The following EFCAB5 variants were observed in gnomAD, a reference collection of about 807,000 sequenced individuals.
EFCAB5 encodes the protein EF-hand calcium-binding domain-containing protein 5.
EFCAB5 carries 131 observed loss-of-function variants against 167.9 expected under a neutral mutation model. That is an observed-to-expected ratio of 0.78 (90% CI 0.68 to 0.90). The LOEUF (loss-of-function observed/expected upper bound fraction) is 0.90. EFCAB5 is among the 40% of genes least tolerant of loss of function. The pLI, the probability that EFCAB5 is intolerant of heterozygous loss-of-function variation, is 0.00. For synonymous variants in EFCAB5, 574 were observed against 602.8 expected, an observed-to-expected ratio of 0.95 and a Z score of 0.70; for missense variants, 1,663 against 1,745.2, an observed-to-expected ratio of 0.95 and a Z score of 0.84.
intron 1 of EFCAB5, among the ~76,000 whole-genome samples, chr17:29,931,679 C>T (rs192814414): frequency 4.6e-5 from 7 of 152,098 alleles, no homozygotes; most frequent in Non-Finnish European, 1.0e-4. Context: ...GAACTTTGAA[C>T]CAATGCATGG....
rs1288790374 is a variant in EFCAB5 at position 30,053,726 on chromosome 17, T to A, written c.1772T>A (p.Val591Glu). The A allele has an allele frequency of 6.2e-7, 1 of 1,612,628 alleles. No individual in the cohort carries two copies. The highest frequency in any genetic ancestry group is 1.1e-5 in the South Asian group (1 of 90,994). Residue 591 changes from valine (V) to glutamate (E), a missense_variant, in exon 10 of 23, where the codon GTG becomes GAG. Transcript: ENST00000394835. ...GSIEGQGPRR[V>E]SVSEQGSSRE... Reference sequence around the variant, plus strand: ...ATAGAAGGACAAGGACCACGCAGAGTGTCAGTTTCAGAACAAGGATCAAGC... The same window carrying A: ...ATAGAAGGACAAGGACCACGCAGAGAGTCAGTTTCAGAACAAGGATCAAGC...
rs115893463 is a variant in EFCAB5, at chr17:30,085,197, G to C, written c.3580-1866G>C. Among the ~76,000 whole-genome samples, 1,055 of 152,216 alleles carry C rather than the reference G, an allele frequency of 6.9e-3. 6 individuals carry two copies. Among genetic ancestry groups the C allele is most frequent in the African/African-American group, 0.024 (1,015 of 41,520 alleles). ...ATACTCCCCCTCACCTCAAGCCCAT[G>C]TTCCTGTAAGGTACAGAGTCATAGA... On this transcript the variant is annotated intron_variant, in intron 18 of 22. Transcript: ENST00000394835.
At chr17:29,982,665 C>G (rs1017962604) in intron 4 of EFCAB5, among the ~76,000 whole-genome samples, 2 of 152,078 alleles carry the variant, frequency 1.3e-5, no homozygotes, top group Non-Finnish European at 2.9e-5. Context: ...TAAAACAAGT[C>G]CCAGTTTTTA....
intron 14 of EFCAB5, chr17:30,073,581 C>A (rs2070799879): frequency 1.5e-6 from 1 of 645,642 alleles, no homozygotes; most frequent in African/African-American, 1.8e-5. Context: ...CTAAATACCT[C>A]AGCATGCATA....
chr17:30,069,848 C>A (rs1336275061), intron 14 of EFCAB5, among the ~76,000 whole-genome samples: 1 of 152,194 alleles, frequency 6.6e-6, no homozygotes, highest in Non-Finnish European at 1.5e-5. Context: ...CATTTCGCAG[C>A]TGAAAAAGAA....
Position 30,059,665 on chromosome 17 carries a change from T to C in EFCAB5, c.2701T>C (p.Tyr901His). 1.2e-6 allele frequency: 2 copies of C among 1,603,422 alleles called. No individual in the cohort carries two copies. Among genetic ancestry groups the C allele is most frequent in the East Asian group, 2.2e-5 (1 of 44,764 alleles). ...LKEVDELLYT[Y>H]KEGMEKESMK... ...GGAAGTTGATGAACTCTTGTACACA[T>C]ACAAGGAGGGAATGGAAAAAGAATC... Residue 901 changes from tyrosine (Y) to histidine (H), a missense_variant, in exon 14 of 23, where the codon TAC (tyrosine) becomes CAC (histidine). Transcript: ENST00000394835.
chr17:30,104,753 C>G (rs1180876379), intron 22 of EFCAB5, among the ~76,000 whole-genome samples: 2 of 151,976 alleles, frequency 1.3e-5, no homozygotes, highest in East Asian at 3.9e-4. Flanking sequence ...TCGTTAGAGC[C>G]GGTCGTTAAC....
chr17:29,930,275 C>A, intron 1 of EFCAB5: 1 of 492,288 alleles, frequency 2.0e-6, no homozygotes, highest in East Asian at 3.5e-5. Flanking sequence ...CCGCCTCTCC[C>A]CTCGGCGCGC....
chr17:30,015,236 T>TC lies in EFCAB5; in HGVS notation c.1044+15262dup, dbSNP rs557320239. Among the ~76,000 whole-genome samples the TC allele has an allele frequency of 1.1e-4, 16 of 152,324 alleles. No individual in the cohort carries two copies. In the South Asian group the frequency reaches 3.1e-3, roughly 30 times the overall value. On this transcript the variant is annotated intron_variant, in intron 7 of 22. Coordinates refer to ENST00000394835, the MANE Select transcript of EFCAB5 (RefSeq NM_198529.4). ...TCTCTCTGGCTGCCCTTAGCATTTT[T>TC]CCGTCATTTCAACCTTGGTAAATCT...
At chr17:30,004,438 T>A (rs1280011833) in intron 7 of EFCAB5, among the ~76,000 whole-genome samples, 1 of 152,292 alleles carries the variant, frequency 6.6e-6, no homozygotes, top group Non-Finnish European at 1.5e-5. Flanking sequence ...GGCGAAATTT[T>A]CTGATTTCTT....
chr17:30,070,426 T>C (rs1204500545), intron 14 of EFCAB5, among the ~76,000 whole-genome samples: 1 of 152,106 alleles, frequency 6.6e-6, no homozygotes. Flanking sequence ...CATCACACTA[T>C]CAGACTTTAA....
At chr17:29,933,055 T>C (rs1335348710) in intron 1 of EFCAB5, among the ~76,000 whole-genome samples, 1 of 152,236 alleles carries the variant, frequency 6.6e-6, no homozygotes, top group East Asian at 1.9e-4. Context: ...GTGTATCATA[T>C]ACTAGACACT....
intron 3 of EFCAB5, among the ~76,000 whole-genome samples, chr17:29,967,715 T>C (rs1741866749): frequency 6.6e-6 from 1 of 152,184 alleles, no homozygotes; most frequent in Non-Finnish European, 1.5e-5. Flanking sequence ...CTAGAGATTT[T>C]GGTAGGGGAG....
In EFCAB5 at chr17:29,930,151, G is replaced by A. The variant is rs938166055; in HGVS notation, c.-127+822G>A. 13 of 705,592 alleles carry A rather than the reference G, an allele frequency of 1.8e-5. No homozygotes were observed. The South Asian group carries it at 2.4e-4, about 13-fold the overall frequency. The allele number at this position is 705,592 out of a possible 1,614,324, so 43.7% of individuals were successfully genotyped here. ...GGCCGCGGGAACGGCCGCAGACTCC[G>A]CACCCACCACCAGACTGTCGCCGAC... On this transcript the variant is annotated intron_variant, in intron 1 of 3. Coordinates refer to the EFCAB5 transcript ENST00000448319.
At chr17:30,102,720 T>TA (rs2071397738) in intron 22 of EFCAB5, among the ~76,000 whole-genome samples, 1 of 152,150 alleles carries the variant, frequency 6.6e-6, no homozygotes, top group African/African-American at 2.4e-5. Context: ...GAAGATTTTT[T>TA]AAAAAACTGT....
chr17:30,052,275 C>T (rs1220103892), intron 9 of EFCAB5, among the ~76,000 whole-genome samples: 3 of 152,180 alleles, frequency 2.0e-5, no homozygotes, highest in Non-Finnish European at 4.4e-5. Context: ...AGCGATTCCC[C>T]CTGCCTCATC....
At chr17:30,036,491 A>T (rs1340986541) in intron 8 of EFCAB5, among the ~76,000 whole-genome samples, 2 of 151,204 alleles carry the variant, frequency 1.3e-5, no homozygotes, top group South Asian at 2.1e-4. Flanking sequence ...ATGCAGCGGC[A>T]TCATCATACC....
At chr17:30,078,555 G>A (rs780504489) in intron 15 of EFCAB5, 51 bp downstream of exon 15, 215 of 1,477,438 alleles carry the variant, frequency 1.5e-4, no homozygotes, top group Non-Finnish European at 1.8e-4. Flanking sequence ...CAAAGTAGGC[G>A]ATGTTCAATG....
rs371429256 is a variant in EFCAB5, at chr17:29,990,681, T to TC, written c.768-2484_768-2483insC. 3.0e-4 allele frequency among the ~76,000 whole-genome samples: 46 copies of TC among 152,286 alleles called. No individual in the cohort carries two copies. In the East Asian group the frequency reaches 7.5e-3, roughly 25 times the overall value. ...TAATAGCTTGTTTAAATTCTTTGAG[T>TC]AATTTAAAAGGAAAAGGCTCAAATG... On this transcript the variant is annotated intron_variant, in intron 4 of 22. Coordinates refer to ENST00000394835, the MANE Select transcript of EFCAB5 (RefSeq NM_198529.4).
Sources: allele counts gnomAD v4.1 joint callset (sites outside exome capture counted in the v4.1 genomes callset), GRCh38; gene constraint gnomAD v4.1.1; transcripts MANE v1.5; gene names NCBI Gene and HGNC (gene_info 2026-07-23, HGNC 2026-07-21).